Variants in PCDH15 observed in about 807,000 individuals in gnomAD.
PCDH15 encodes the protein protocadherin related 15.
Under a neutral mutation model 178.5 loss-of-function variants are expected in PCDH15, and 129 were observed. That is an observed-to-expected ratio of 0.72 (90% CI 0.63 to 0.84). The LOEUF is 0.84. Ranked by LOEUF, PCDH15 falls within the 40% of genes least tolerant of loss-of-function variation. The pLI, the probability that PCDH15 is intolerant of heterozygous loss-of-function variation, is 0.00. For missense variants in PCDH15, 2,230 were observed against 2,099.9 expected (o/e 1.06, Z -1.21); for synonymous variants, 800 against 732.0 (o/e 1.09, Z -1.50).
At chr10:54,362,954 G>A (rs987500768) in intron 5 of PCDH15, among the ~76,000 whole-genome samples, 7 of 151,824 alleles carry the variant, frequency 4.6e-5, no homozygotes, top group Admixed American at 1.3e-4. Flanking sequence ...GGTTATACTC[G>A]TTTCTTTAAA....
At chr10:54,287,274 A>C (rs1183733241) in intron 8 of PCDH15, among the ~76,000 whole-genome samples, 1 of 152,222 alleles carries the variant, frequency 6.6e-6, no homozygotes, top group Non-Finnish European at 1.5e-5. Flanking sequence ...GTATCTGAAA[A>C]CAATAATGAG....
intron 17 of PCDH15, among the ~76,000 whole-genome samples, chr10:54,076,302 A>C (rs531292568): frequency 2.0e-5 from 3 of 152,174 alleles, no homozygotes; most frequent in African/African-American, 7.2e-5. Flanking sequence ...CTGATTTTGT[A>C]CTCTGATACT....
intron 3 of PCDH15, among the ~76,000 whole-genome samples, chr10:54,414,740 C>T (rs7908639): frequency 0.47 from 71,585 of 151,800 alleles, 17,614 homozygotes; most frequent in Non-Finnish European, 0.53. Flanking sequence ...CATGAGAAAA[C>T]GAAGCCCAGA....
chr10:55,055,163 T>G (rs1331963008), intron 2 of PCDH15, among the ~76,000 whole-genome samples: 1 of 152,186 alleles, frequency 6.6e-6, no homozygotes, highest in Non-Finnish European at 1.5e-5. Context: ...CGTTTCAGTC[T>G]TTAATCCATC....
At chr10:54,498,891 A>C (rs1332377577) in intron 3 of PCDH15, among the ~76,000 whole-genome samples, 1 of 152,228 alleles carries the variant, frequency 6.6e-6, no homozygotes, top group African/African-American at 2.4e-5. Flanking sequence ...TCATGATGGA[A>C]GGGGAAGTAG....
intron 3 of PCDH15, among the ~76,000 whole-genome samples, chr10:54,516,430 C>A (rs12572258): frequency 0.094 from 14,206 of 151,556 alleles, 984 homozygotes; most frequent in East Asian, 0.36. Flanking sequence ...CCTCAGGAGC[C>A]GATGAGATCA....
At chr10:55,396,567 G>A (rs1837933996) in intron 2 of PCDH15, among the ~76,000 whole-genome samples, 1 of 152,058 alleles carries the variant, frequency 6.6e-6, no homozygotes, top group Non-Finnish European at 1.5e-5. Context: ...ATTGCCAATA[G>A]AAAAGCCAAG....
intron 2 of PCDH15, among the ~76,000 whole-genome samples, chr10:55,511,734 GTTGA>G (rs1182928572): frequency 1.3e-5 from 2 of 151,992 alleles, no homozygotes; most frequent in Admixed American, 1.3e-4. Context: ...CAAAATCTTA[GTTGA>G]TTCAGTTATG....
At chr10:54,694,533 G>GT in intron 1 of PCDH15, among the ~76,000 whole-genome samples, 1 of 152,034 alleles carries the variant, frequency 6.6e-6, no homozygotes, top group South Asian at 2.1e-4. Context: ...TATCGGCATT[G>GT]TTTTTCCAAT....
intron 2 of PCDH15, among the ~76,000 whole-genome samples, chr10:54,573,802 A>G (rs1434382712): frequency 2.0e-5 from 3 of 152,186 alleles, no homozygotes; most frequent in Non-Finnish European, 4.4e-5. Flanking sequence ...CGTCCTGTGA[A>G]CACTAGCCTC....
chr10:54,562,484 A>G (rs1205357385), intron 2 of PCDH15, among the ~76,000 whole-genome samples: 5 of 152,178 alleles, frequency 3.3e-5, no homozygotes, highest in African/African-American at 1.2e-4. Flanking sequence ...CTTTTATGAA[A>G]GGTCTCTCAT....
intron 26 of PCDH15, among the ~76,000 whole-genome samples, chr10:53,892,569 T>C (rs1009084683): frequency 2.6e-5 from 4 of 152,178 alleles, no homozygotes; most frequent in Admixed American, 6.5e-5. Context: ...AATTATTTCA[T>C]TGTATACTCA....
rs1220386985 is a variant in PCDH15, at chr10:53,805,144, G to A, written c.*1435C>T. The A allele has an allele frequency of 6.6e-6, 1 of 151,970 alleles. No individual in the cohort carries two copies. 9.4% of individuals were successfully genotyped at this position (151,970 alleles called of 1,614,324 possible). A position where few individuals can be genotyped will look rare whatever the true frequency, so the allele number is the denominator to read the frequency against. On this transcript the variant is annotated 3_prime_UTR_variant, in exon 38 of 38. Transcript: ENST00000644397. ...TAGCATAATAATAAACAATTTTTAA[G>A]ACGCGAAACATGTAAGAGGGGAATA...
intron 1 of PCDH15, among the ~76,000 whole-genome samples, chr10:55,278,163 C>G (rs371235462): frequency 1.6e-4 from 24 of 151,940 alleles, no homozygotes; most frequent in African/African-American, 5.1e-4. Context: ...GTAGCAATCT[C>G]CATGGATAGC....
At chr10:54,480,223 C>A (rs992189121) in intron 3 of PCDH15, among the ~76,000 whole-genome samples, 1 of 152,040 alleles carries the variant, frequency 6.6e-6, no homozygotes, top group Non-Finnish European at 1.5e-5. Context: ...TAATTAAATA[C>A]TTATTTGTGT....
chr10:54,610,525 A>G (rs1274221021), intron 2 of PCDH15, among the ~76,000 whole-genome samples: 1 of 151,920 alleles, frequency 6.6e-6, no homozygotes, highest in Admixed American at 6.6e-5. Context: ...GTTGATTCAA[A>G]AATCTATAGA....
At chr10:54,156,530 A>G (rs1392555248) in intron 13 of PCDH15, among the ~76,000 whole-genome samples, 1 of 152,166 alleles carries the variant, frequency 6.6e-6, no homozygotes, top group Non-Finnish European at 1.5e-5. Flanking sequence ...CACAGGAAAG[A>G]CTTGCCCCAA....
At chr10:55,020,287 AG>A (rs1840290269) in intron 2 of PCDH15, among the ~76,000 whole-genome samples, 1 of 151,878 alleles carries the variant, frequency 6.6e-6, no homozygotes, top group Non-Finnish European at 1.5e-5. Flanking sequence ...TTCTACAAAT[AG>A]CTGATGAGGG....
intron 3 of PCDH15, among the ~76,000 whole-genome samples, chr10:54,416,600 C>T (rs1954438020): frequency 6.6e-6 from 1 of 152,054 alleles, no homozygotes; most frequent in Non-Finnish European, 1.5e-5. Context: ...GTGCATTTGT[C>T]TTTATAGTAG....
Sources: allele counts gnomAD v4.1 joint callset (sites outside exome capture counted in the v4.1 genomes callset), GRCh38; gene constraint gnomAD v4.1.1; transcripts MANE v1.5; gene names NCBI Gene and HGNC (gene_info 2026-07-23, HGNC 2026-07-21).